The following TACC1 variants were observed in gnomAD, a reference collection of about 807,000 sequenced individuals.
The protein encoded by TACC1 is transforming acidic coiled-coil containing protein 1, also known as transforming acidic coiled-coil-containing protein 1.
A neutral mutation model predicts 84.4 loss-of-function variants in TACC1; 48 were observed. The ratio of observed to expected loss-of-function variants is 0.57; its 90% CI spans 0.45 to 0.72. The LOEUF is 0.72. TACC1 is among the 30% of genes least tolerant of loss of function. The pLI is 0.00. For missense variants in TACC1, 920 were observed against 973.0 expected (o/e 0.95, Z 0.72); for synonymous variants, 372 against 376.3 (o/e 0.99, Z 0.13).
chr8:38,768,615 A>G (rs1023784675), intron 3 of TACC1, among the ~76,000 whole-genome samples: 2 of 152,162 alleles, frequency 1.3e-5, no homozygotes, highest in African/African-American at 4.8e-5. Context: ...TGAATGGTCC[A>G]GGGGCTGAGC....
chr8:38,792,735 G>C (rs1587724804), intron 2 of TACC1, among the ~76,000 whole-genome samples: 1 of 152,184 alleles, frequency 6.6e-6, no homozygotes, highest in Non-Finnish European at 1.5e-5. Context: ...AAAGTGCTGG[G>C]ATTACAGGCG....
intron 11 of TACC1, among the ~76,000 whole-genome samples, chr8:38,844,321 C>T (rs201047903): frequency 7.7e-4 from 117 of 152,062 alleles, no homozygotes; most frequent in East Asian, 3.1e-3. Context: ...TACAGGCACA[C>T]GCCACCACAC....
intron 3 of TACC1, among the ~76,000 whole-genome samples, chr8:38,748,757 A>AGG (rs1808498846): frequency 2.6e-5 from 4 of 152,178 alleles, no homozygotes; most frequent in African/African-American, 9.6e-5. Flanking sequence ...TGATAATATA[A>AGG]ATACACATTT....
rs551434230 is a variant in TACC1, at chr8:38,799,622, C to T, written c.277+10803C>T. On this transcript the variant is annotated intron_variant, in intron 2 of 12. Transcript: ENST00000317827. Reference sequence around the variant, plus strand: ...TTAGAATTTTAAAAATCCCCCTGCCCACAAAGTAAAAAAAGCCTTTTGGGC... The same window carrying T: ...TTAGAATTTTAAAAATCCCCCTGCCTACAAAGTAAAAAAAGCCTTTTGGGC... The T allele has an allele frequency of 2.8e-4, 43 of 152,178 alleles. 1 individual carries two copies. The highest frequency in any genetic ancestry group is 4.7e-4 in the Non-Finnish European group (32 of 68,030). 9.4% of individuals were successfully genotyped at this position (152,178 alleles called of 1,614,324 possible).
At chr8:38,766,920 A>T (rs1372925131) in intron 3 of TACC1, among the ~76,000 whole-genome samples, 1 of 152,172 alleles carries the variant, frequency 6.6e-6, no homozygotes, top group Admixed American at 6.5e-5. Flanking sequence ...TCTACTAGAA[A>T]AGGAGTTTTT....
At chr8:38,753,067 A>G (rs1289796487) in intron 3 of TACC1, among the ~76,000 whole-genome samples, 2 of 152,172 alleles carry the variant, frequency 1.3e-5, no homozygotes, top group Non-Finnish European at 2.9e-5. Flanking sequence ...AACTATTCAT[A>G]TCATCATTAG....
chr8:38,750,973 A>G (rs190462720), intron 3 of TACC1, among the ~76,000 whole-genome samples: 14 of 152,360 alleles, frequency 9.2e-5, no homozygotes, highest in Admixed American at 6.5e-4. Flanking sequence ...GACCTAGTAT[A>G]GCCACATCGT....
chr8:38,822,660 A>G (rs996347078), intron 3 of TACC1, among the ~76,000 whole-genome samples: 6 of 152,244 alleles, frequency 3.9e-5, no homozygotes, highest in African/African-American at 7.2e-5. Context: ...TGGTACAGCT[A>G]TACAAAAATA....
At chr8:38,831,211 C>G (rs139702747) in intron 6 of TACC1, 34 bp downstream of exon 6, 1 of 1,611,360 alleles carries the variant, frequency 6.2e-7, no homozygotes, top group East Asian at 2.2e-5. Flanking sequence ...CGGGTGGACT[C>G]AGGTTTCTTT....
chr8:38,754,520 A>G (rs1809647008), intron 3 of TACC1, among the ~76,000 whole-genome samples: 1 of 152,202 alleles, frequency 6.6e-6, no homozygotes, highest in Non-Finnish European at 1.5e-5. Flanking sequence ...TGACACTTCA[A>G]TCACATTGCC....
intron 3 of TACC1, among the ~76,000 whole-genome samples, chr8:38,745,737 T>A (rs1464317908): frequency 6.6e-6 from 1 of 152,136 alleles, no homozygotes; most frequent in Non-Finnish European, 1.5e-5. Flanking sequence ...AGAGACAGGG[T>A]TTCACCATAT....
At chr8:38,775,636 C>T (rs1814669748) in intron 3 of TACC1, among the ~76,000 whole-genome samples, 1 of 152,158 alleles carries the variant, frequency 6.6e-6, no homozygotes, top group Non-Finnish European at 1.5e-5. Flanking sequence ...ACCTAATCAC[C>T]TCCCAAAGGC....
At chr8:38,800,298 T>G (rs1324591971) in intron 2 of TACC1, among the ~76,000 whole-genome samples, 1 of 152,260 alleles carries the variant, frequency 6.6e-6, no homozygotes, top group Admixed American at 6.5e-5. Context: ...ATTTAAAAGC[T>G]TTATGATAGT....
Position 38,836,269 on chromosome 8 carries a change from C to G in TACC1, c.1821C>G (p.Leu607=). The change falls in exon 7 of 13, where the codon CTC becomes CTG. Residue 607 remains leucine (L), a synonymous_variant. Transcript: ENST00000317827. ...GCGAATCAGACAAGACAGCCGTGCT[C>G]ACCTTAATAAGAGAAGAGGTAAAAG... ...CLSESDKTAV[L]TLIREEIITK... is the part of the protein sequence containing the mutation. 1 of 1,610,548 alleles carries G rather than the reference C, an allele frequency of 6.2e-7. No individual in the cohort carries two copies. Among genetic ancestry groups the G allele is most frequent in the Non-Finnish European group, 8.5e-7 (1 of 1,179,690 alleles).
upstream of TACC1, among the ~76,000 whole-genome samples, chr8:38,786,828 A>AT (rs71216687): frequency 0.023 from 3,362 of 147,858 alleles, 72 homozygotes; most frequent in Admixed American, 0.062. Flanking sequence ...GAAGGTTTGT[A>AT]TTTTTTTTTT....
At chr8:38,742,801 G>A (rs1807329981) in intron 2 of TACC1, among the ~76,000 whole-genome samples, 1 of 152,108 alleles carries the variant, frequency 6.6e-6, no homozygotes, top group Admixed American at 6.5e-5. Context: ...TGCAACTTTC[G>A]TCTCCCAGGT....
intron 3 of TACC1, among the ~76,000 whole-genome samples, chr8:38,754,945 A>G (rs1391927599): frequency 6.6e-6 from 1 of 152,178 alleles, no homozygotes; most frequent in Non-Finnish European, 1.5e-5. Context: ...GGCGGATCAC[A>G]AGGACAGGAG....
intron 2 of TACC1, among the ~76,000 whole-genome samples, chr8:38,811,422 C>G (rs1213213440): frequency 6.6e-6 from 1 of 152,208 alleles, no homozygotes; most frequent in Non-Finnish European, 1.5e-5. Flanking sequence ...CTCTCTAGAG[C>G]ATAACTTCTC....
Position 38,739,697 on chromosome 8 carries a change from A to G in TACC1, c.-674-2654A>G, listed in dbSNP as rs143761389. ...AAGTTCTATGTGTTTTGACAAATGC[A>G]TAGTGTCCTGTTTCCACCATTACAG... On this transcript the variant is annotated intron_variant, in intron 1 of 14. Coordinates refer to the TACC1 transcript ENST00000518415. Among the ~76,000 whole-genome samples the G allele has an allele frequency of 3.4e-4, 52 of 152,354 alleles. No individual in the cohort carries two copies. In the East Asian group the frequency reaches 9.8e-3, roughly 29 times the overall value.
Sources: allele counts gnomAD v4.1 joint callset (sites outside exome capture counted in the v4.1 genomes callset), GRCh38; gene constraint gnomAD v4.1.1; transcripts MANE v1.5; gene names NCBI Gene and HGNC (gene_info 2026-07-23, HGNC 2026-07-21).